IMMP2L: variants seen among roughly 807,000 people sequenced by gnomAD.
The protein encoded by IMMP2L is inner mitochondrial membrane peptidase subunit 2, also known as mitochondrial inner membrane protease subunit 2.
IMMP2L carries 18 observed loss-of-function variants against 19.3 expected under a neutral mutation model. The ratio of observed to expected loss-of-function variants is 0.93; its 90% CI spans 0.64 to 1.38. The LOEUF is 1.38. Ranked by LOEUF, IMMP2L falls within the 40% of genes most tolerant of loss-of-function variation. The probability of loss-of-function intolerance (pLI) is 0.00; values close to 1 mark genes in which losing one functional copy is unlikely to be tolerated. For synonymous variants in IMMP2L, 76 were observed against 73.0 expected, an observed-to-expected ratio of 1.04 and a Z score of -0.21; for missense variants, 233 against 218.2, an observed-to-expected ratio of 1.07 and a Z score of -0.43.
chr7:110,956,597 G>A (rs551281130), intron 4 of IMMP2L, among the ~76,000 whole-genome samples: 3 of 152,046 alleles, frequency 2.0e-5, no homozygotes, highest in African/African-American at 7.2e-5. Flanking sequence ...TCATGTAACA[G>A]TAAATTCATC....
At chr7:111,367,649 C>T (rs1233781465) in intron 3 of IMMP2L, among the ~76,000 whole-genome samples, 2 of 151,686 alleles carry the variant, frequency 1.3e-5, no homozygotes, top group African/African-American at 2.4e-5. Flanking sequence ...TATTATTTTC[C>T]CTCTTTTCGC....
intron 3 of IMMP2L, among the ~76,000 whole-genome samples, chr7:111,111,043 A>C (rs1799132152): frequency 6.6e-6 from 1 of 152,136 alleles, no homozygotes; most frequent in Non-Finnish European, 1.5e-5. Context: ...CATAATCCTA[A>C]ATTATCTGGA....
In IMMP2L at chr7:110,963,536, A is replaced by G. The variant is rs1318479105; in HGVS notation, c.269T>C (p.Ile90Thr). Residue 90 changes from isoleucine (I) to threonine (T), a missense_variant, in exon 4 of 6, where the codon ATT (isoleucine) becomes ACT (threonine). Coordinates refer to ENST00000405709, the MANE Select transcript of IMMP2L (RefSeq NM_032549.4). ...VSPKNPEQKI[I>T]KRVIALEGDI... Reference sequence around the variant, plus strand: ...TCCTTCAAGAGCAATCACTCTCTTAATGATCTTCTGTTCTGGGTTTTTAGG... The same window carrying G: ...TCCTTCAAGAGCAATCACTCTCTTAGTGATCTTCTGTTCTGGGTTTTTAGG... 2 of 1,603,744 alleles carry G rather than the reference A, an allele frequency of 1.2e-6. No individual in the cohort carries two copies. The highest frequency in any genetic ancestry group is 2.7e-5 in the African/African-American group (2 of 74,524).
intron 3 of IMMP2L, among the ~76,000 whole-genome samples, chr7:111,422,876 T>C (rs1563173205): frequency 6.6e-6 from 1 of 151,832 alleles, no homozygotes; most frequent in Non-Finnish European, 1.5e-5. Flanking sequence ...GCTCTTTTAA[T>C]TTTGAGATAT....
At chr7:110,973,596 C>A (rs545539003) in intron 3 of IMMP2L, among the ~76,000 whole-genome samples, 7 of 152,180 alleles carry the variant, frequency 4.6e-5, no homozygotes, top group Non-Finnish European at 8.8e-5. Context: ...CATCCTATAG[C>A]CACTTTTTTT....
At chr7:111,142,484 C>T (rs1562847436) in intron 3 of IMMP2L, among the ~76,000 whole-genome samples, 2 of 152,004 alleles carry the variant, frequency 1.3e-5, no homozygotes, top group African/African-American at 2.4e-5. Context: ...ATTTTATACA[C>T]ATATTGAAGT....
chr7:110,766,086 A>G (rs1798639791), intron 5 of IMMP2L, among the ~76,000 whole-genome samples: 1 of 152,198 alleles, frequency 6.6e-6, no homozygotes, highest in South Asian at 2.1e-4. Context: ...CTAATGATTT[A>G]ATTAAATATA....
intron 3 of IMMP2L, among the ~76,000 whole-genome samples, chr7:111,471,198 T>C (rs866141520): frequency 9.2e-5 from 14 of 152,224 alleles, no homozygotes; most frequent in Middle Eastern, 3.4e-3. Flanking sequence ...CAGATATTTC[T>C]TCCCAGAAAT....
intron 3 of IMMP2L, among the ~76,000 whole-genome samples, chr7:111,431,910 T>C (rs1187137318): frequency 1.3e-5 from 2 of 151,574 alleles, no homozygotes; most frequent in Non-Finnish European, 2.9e-5. Context: ...TTTATACTTT[T>C]TCCAAACTTT....
At position 110,870,283 on chromosome 7, in the gene IMMP2L, T is replaced by C. The variant is rs1808398906; in HGVS notation, c.408+16310A>G. Among the ~76,000 whole-genome samples the C allele has an allele frequency of 6.6e-6, 1 of 152,104 alleles. No homozygotes were observed. The highest frequency in any genetic ancestry group is 2.4e-5 in the African/African-American group (1 of 41,440). ...TTCCAAAGATGTCAGATGTCCTTCTTGTATACTTTCCACTGACTTCTTATT... is the reference window on the plus strand; with the variant it reads ...TTCCAAAGATGTCAGATGTCCTTCTCGTATACTTTCCACTGACTTCTTATT... On this transcript the variant is annotated intron_variant, in intron 5 of 5. Coordinates refer to ENST00000405709, the MANE Select transcript of IMMP2L (RefSeq NM_032549.4). This position sits in a 1 kb window ranked among gnomAD's most constrained non-coding sequence, Gnocchi z 4.2.
intron 3 of IMMP2L, among the ~76,000 whole-genome samples, chr7:111,436,146 C>T (rs1392567684): frequency 2.0e-5 from 3 of 151,842 alleles, no homozygotes; most frequent in East Asian, 3.9e-4. Context: ...ATGTACTGGG[C>T]AGTCCAATGG....
intron 3 of IMMP2L, among the ~76,000 whole-genome samples, chr7:111,255,864 C>T (rs528227635): frequency 6.6e-6 from 1 of 152,116 alleles, no homozygotes; most frequent in African/African-American, 2.4e-5. Flanking sequence ...TCTATCTATA[C>T]AATGCTTCTA....
intron 3 of IMMP2L, among the ~76,000 whole-genome samples, chr7:111,044,684 A>G (rs1040992025): frequency 3.9e-5 from 6 of 152,270 alleles, no homozygotes; most frequent in African/African-American, 1.4e-4. Context: ...TTGGTTGATG[A>G]GTGACAGATG....
At chr7:110,891,322 A>C (rs1810773565) in intron 4 of IMMP2L, among the ~76,000 whole-genome samples, 1 of 152,204 alleles carries the variant, frequency 6.6e-6, no homozygotes, top group Non-Finnish European at 1.5e-5. Flanking sequence ...AAAGAGAAAA[A>C]AACTCTCTCT....
intron 5 of IMMP2L, among the ~76,000 whole-genome samples, chr7:110,680,087 A>G (rs1300531225): frequency 6.6e-6 from 1 of 152,210 alleles, no homozygotes; most frequent in Non-Finnish European, 1.5e-5. Flanking sequence ...AGTTGCTGGC[A>G]ATTTGGTGAA....
At chr7:111,014,388 TAC>T (rs928593602) in intron 3 of IMMP2L, among the ~76,000 whole-genome samples, 27 of 151,712 alleles carry the variant, frequency 1.8e-4, no homozygotes, top group African/African-American at 5.3e-4. Context: ...TATATATATA[TAC>T]ACACACACAT....
intron 4 of IMMP2L, among the ~76,000 whole-genome samples, chr7:110,918,989 T>A (rs149028948): frequency 2.0e-5 from 3 of 152,092 alleles, no homozygotes; most frequent in Non-Finnish European, 2.9e-5. Context: ...CAAAAGATAA[T>A]TGAGTAGATT....
In IMMP2L at chr7:111,420,598, G is replaced by T. The variant is rs545965481; in HGVS notation, c.239+66640C>A. On this transcript the variant is annotated intron_variant, in intron 3 of 5. Transcript: ENST00000405709. ...TAGTCCCCCGTGTGTGATGTTCCCC[G>T]CCCTGTGTCCAGGCGATCTCATTGT... Among the ~76,000 whole-genome samples the T allele has an allele frequency of 1.6e-3, 127 of 77,550 alleles. 3 individuals carry two copies. Among genetic ancestry groups the T allele is most frequent in the African/African-American group, 6.4e-3 (121 of 18,896 alleles). The allele number at this position is 77,550 out of a possible 152,430, so 50.9% of individuals were successfully genotyped here.
chr7:110,706,456 C>T (rs1771287984), intron 5 of IMMP2L, among the ~76,000 whole-genome samples: 3 of 152,152 alleles, frequency 2.0e-5, no homozygotes, highest in African/African-American at 7.2e-5. Flanking sequence ...AGCAGCTGAA[C>T]TCATTTACAT....
Sources: gnomAD v4.1 joint callset for allele counts (sites outside exome capture counted in the v4.1 genomes callset) on GRCh38, gnomAD v4.1.1 for gene constraint, Gnocchi (gnomAD v3.1) non-coding constraint, MANE v1.5 for transcripts, NCBI Gene and HGNC (gene_info 2026-07-23, HGNC 2026-07-21) for gene names.